The following DLGAP2 variants were observed in gnomAD, a reference collection of about 807,000 sequenced individuals.
DLGAP2 encodes the protein disks large-associated protein 2.
DLGAP2 carries 26 observed loss-of-function variants against 100.3 expected under a neutral mutation model. That is an observed-to-expected ratio of 0.26 (90% confidence interval 0.19 to 0.36). DLGAP2 has a LOEUF of 0.36. Ranked by LOEUF, DLGAP2 falls within the 10% of genes least tolerant of loss-of-function variation. DLGAP2 has a pLI of 1.00. For missense variants in DLGAP2, 1,858 were observed against 1,453.2 expected, an observed-to-expected ratio of 1.28 and a Z score of -4.53; for synonymous variants, 886 against 630.1, an observed-to-expected ratio of 1.41 and a Z score of -6.08.
At chr8:942,023 C>G (rs1298830860) in intron 2 of DLGAP2, among the ~76,000 whole-genome samples, 2 of 152,108 alleles carry the variant, frequency 1.3e-5, no homozygotes, top group Non-Finnish European at 2.9e-5. Flanking sequence ...GAGATGGGCT[C>G]TCTGTTGTCC....
intron 2 of DLGAP2, among the ~76,000 whole-genome samples, chr8:1,030,895 C>T (rs1801952829): frequency 6.6e-6 from 1 of 152,222 alleles, no homozygotes; most frequent in Admixed American, 6.5e-5. Flanking sequence ...GCCACCAGAC[C>T]CCCGAGGTCA....
At chr8:1,441,182 T>G (rs1453010604) in intron 3 of DLGAP2, among the ~76,000 whole-genome samples, 1 of 152,178 alleles carries the variant, frequency 6.6e-6, no homozygotes, top group East Asian at 1.9e-4. Context: ...TGTGCAATAT[T>G]TATTCAGTGT....
At chr8:1,343,819 C>T (rs1801476450) in intron 3 of DLGAP2, among the ~76,000 whole-genome samples, 1 of 152,132 alleles carries the variant, frequency 6.6e-6, no homozygotes, top group Non-Finnish European at 1.5e-5. Context: ...ATCCTCCCTG[C>T]ACGTCCACCC....
chr8:1,163,985 A>C (rs1166950113), intron 2 of DLGAP2, among the ~76,000 whole-genome samples: 5 of 152,210 alleles, frequency 3.3e-5, no homozygotes, highest in African/African-American at 1.2e-4. Context: ...GAGCCCTCTA[A>C]GACTCAGTGT....
At chr8:1,626,944 C>T (rs553408868) in intron 7 of DLGAP2, 57 bp downstream of exon 7, 5 of 1,534,974 alleles carry the variant, frequency 3.3e-6, no homozygotes, top group East Asian at 2.4e-5. Context: ...CAGGCTGGCA[C>T]GGAGGCCCCG....
chr8:1,194,487 C>A (rs949963333), intron 2 of DLGAP2, among the ~76,000 whole-genome samples: 54 of 152,276 alleles, frequency 3.5e-4, no homozygotes, highest in African/African-American at 1.3e-3. Context: ...GTCCCACTTT[C>A]CAGGTCATCC....
intron 2 of DLGAP2, among the ~76,000 whole-genome samples, chr8:1,012,084 G>A (rs975509303): frequency 3.9e-5 from 6 of 152,132 alleles, no homozygotes; most frequent in African/African-American, 1.4e-4. Flanking sequence ...GGCCCGTGTC[G>A]CAGGAAGACC....
intron 8 of DLGAP2, among the ~76,000 whole-genome samples, chr8:1,649,832 C>G (rs774828815): frequency 6.6e-6 from 1 of 151,952 alleles, no homozygotes; most frequent in African/African-American, 2.4e-5. Context: ...ATATTTGTAT[C>G]TCTATTTATT....
At chr8:1,301,163 C>G (rs1012079224) in intron 3 of DLGAP2, 1 of 152,512 alleles carries the variant, frequency 6.6e-6, no homozygotes, top group Non-Finnish European at 1.5e-5. Context: ...CCAAGTCCTT[C>G]TGGCTCCGCC....
At chr8:754,117 G>A (rs2132578228) in intron 1 of DLGAP2, 1 of 152,346 alleles carries the variant, frequency 6.6e-6, no homozygotes, top group Non-Finnish European at 1.5e-5. Flanking sequence ...AGCGTGGGAG[G>A]CCTCAGATCA....
chr8:965,394 A>T (rs10098604), intron 2 of DLGAP2, among the ~76,000 whole-genome samples: 4 of 57,450 alleles, frequency 7.0e-5, no homozygotes, highest in South Asian at 6.7e-4. Flanking sequence ...ACTGTTCATC[A>T]CACACGCGGC....
At chr8:1,409,909 C>T (rs1796681474) in intron 3 of DLGAP2, among the ~76,000 whole-genome samples, 1 of 152,196 alleles carries the variant, frequency 6.6e-6, no homozygotes, top group Non-Finnish European at 1.5e-5. Flanking sequence ...CGTGGGTCTC[C>T]AGCTGTGGGG....
chr8:1,023,680 C>T (rs1208864586), intron 2 of DLGAP2, among the ~76,000 whole-genome samples: 2 of 151,894 alleles, frequency 1.3e-5, no homozygotes, highest in African/African-American at 2.4e-5. Context: ...GCTCTTGTTT[C>T]TTACCAGCAC....
At chr8:980,257 A>G (rs998366214) in intron 2 of DLGAP2, among the ~76,000 whole-genome samples, 1 of 152,200 alleles carries the variant, frequency 6.6e-6, no homozygotes, top group Non-Finnish European at 1.5e-5. Flanking sequence ...GGAAATATCC[A>G]TAGAAGGTGC....
At chr8:1,287,433 G>A (rs1799951445) in intron 3 of DLGAP2, among the ~76,000 whole-genome samples, 1 of 135,638 alleles carries the variant, frequency 7.4e-6, no homozygotes. Context: ...GTGTGTGTGT[G>A]TGTGTGGTTG....
chr8:1,182,788 G>A (rs1222509707), intron 2 of DLGAP2, among the ~76,000 whole-genome samples: 5 of 152,212 alleles, frequency 3.3e-5, no homozygotes, highest in Non-Finnish European at 7.3e-5. Context: ...GTGAGAGGCA[G>A]GAAGGGAGAG....
chr8:1,163,711 T>G (rs577802105), intron 2 of DLGAP2, among the ~76,000 whole-genome samples: 60 of 152,252 alleles, frequency 3.9e-4, no homozygotes, highest in African/African-American at 1.4e-3. Flanking sequence ...CTGGGCACAT[T>G]CGGTGGTAAT....
chr8:808,705 G>A (rs992212073), intron 1 of DLGAP2, among the ~76,000 whole-genome samples: 1 of 152,174 alleles, frequency 6.6e-6, no homozygotes, highest in Non-Finnish European at 1.5e-5. Context: ...GCACAGGAGT[G>A]TGGGCCATCT....
intron 1 of DLGAP2, among the ~76,000 whole-genome samples, chr8:842,882 T>A (rs1797008656): frequency 6.6e-6 from 1 of 152,246 alleles, no homozygotes; most frequent in African/African-American, 2.4e-5. Flanking sequence ...GCTTTAAGTT[T>A]TTCTAATTCT....
Sources: allele counts gnomAD v4.1 joint callset (sites outside exome capture counted in the v4.1 genomes callset), GRCh38; gene constraint gnomAD v4.1.1; transcripts MANE v1.5; gene names NCBI Gene and HGNC (gene_info 2026-07-23, HGNC 2026-07-21).